The following LUZP2 variants were observed in gnomAD, a reference collection of about 807,000 sequenced individuals.
LUZP2 encodes the protein leucine zipper protein 2.
A neutral mutation model predicts 51.6 loss-of-function variants in LUZP2; 52 were observed. That is an observed-to-expected ratio of 1.01 (90% CI 0.81 to 1.27). The LOEUF is 1.27. Ranked by LOEUF, LUZP2 falls within the 50% of genes most tolerant of loss-of-function variation. LUZP2 has a pLI of 0.00. For synonymous variants in LUZP2, 154 were observed against 137.3 expected, an observed-to-expected ratio of 1.12 and a Z score of -0.85; for missense variants, 436 against 395.4, an observed-to-expected ratio of 1.10 and a Z score of -0.87.
intron 1 of LUZP2, among the ~76,000 whole-genome samples, chr11:24,728,108 C>A (rs1426710247): frequency 6.6e-6 from 1 of 152,078 alleles, no homozygotes; most frequent in African/African-American, 2.4e-5. Context: ...AGATTCTCAA[C>A]TAAAGCTGAG....
chr11:25,015,521 T>C (rs1010633804), intron 9 of LUZP2, among the ~76,000 whole-genome samples: 2 of 152,272 alleles, frequency 1.3e-5, no homozygotes, highest in East Asian at 1.9e-4. Context: ...AGTTTTTCAG[T>C]TTTTCCTTGT....
intron 9 of LUZP2, among the ~76,000 whole-genome samples, chr11:24,990,522 A>C (rs1185703622): frequency 1.3e-5 from 2 of 152,064 alleles, no homozygotes; most frequent in Non-Finnish European, 2.9e-5. Context: ...ATATACTGCA[A>C]AATGATGAAT....
chr11:24,656,558 A>C (rs1855811036), intron 1 of LUZP2, among the ~76,000 whole-genome samples: 1 of 152,210 alleles, frequency 6.6e-6, no homozygotes, highest in African/African-American at 2.4e-5. Flanking sequence ...AGGTGTCTGC[A>C]GGGCCTCATT....
At chr11:24,728,708 T>G (rs984879552) in intron 1 of LUZP2, among the ~76,000 whole-genome samples, 1 of 152,028 alleles carries the variant, frequency 6.6e-6, no homozygotes. Context: ...CAGTTAGAAC[T>G]CCAAACCTTC....
chr11:24,509,363 C>T (rs1590116950), intron 1 of LUZP2, among the ~76,000 whole-genome samples: 1 of 151,606 alleles, frequency 6.6e-6, no homozygotes, highest in East Asian at 1.9e-4. Context: ...AGAATTAACT[C>T]ATTCATAGAC....
At chr11:25,030,296 C>G (rs1384643470) in intron 9 of LUZP2, among the ~76,000 whole-genome samples, 1 of 152,048 alleles carries the variant, frequency 6.6e-6, no homozygotes, top group Non-Finnish European at 1.5e-5. Context: ...TTCTCATTAA[C>G]AAATTAAAGT....
chr11:24,915,159 A>G (rs1043378418), intron 7 of LUZP2, among the ~76,000 whole-genome samples: 2 of 152,132 alleles, frequency 1.3e-5, no homozygotes, highest in African/African-American at 4.8e-5. Flanking sequence ...AATTCCTTTA[A>G]TGTATACAAT....
At chr11:24,633,467 A>G (rs977939854) in intron 1 of LUZP2, among the ~76,000 whole-genome samples, 1 of 152,034 alleles carries the variant, frequency 6.6e-6, no homozygotes, top group Non-Finnish European at 1.5e-5. Context: ...AAAATCAATC[A>G]GAATCTTTAA....
At chr11:24,811,345 C>T (rs927804845) in intron 5 of LUZP2, among the ~76,000 whole-genome samples, 4 of 152,056 alleles carry the variant, frequency 2.6e-5, no homozygotes, top group Non-Finnish European at 4.4e-5. Flanking sequence ...ATACACTAAT[C>T]CCCCCCTTAA....
At chr11:24,708,152 G>A (rs1442061243) in intron 1 of LUZP2, among the ~76,000 whole-genome samples, 2 of 152,158 alleles carry the variant, frequency 1.3e-5, no homozygotes, top group South Asian at 4.1e-4. Flanking sequence ...AAGTTTAAAA[G>A]TAGAAGGCAA....
intron 9 of LUZP2, among the ~76,000 whole-genome samples, chr11:25,017,140 T>C (rs189018109): frequency 2.0e-5 from 3 of 152,258 alleles, no homozygotes; most frequent in African/African-American, 7.2e-5. Context: ...TTCTTGCTGA[T>C]TTGTTTAAGT....
At chr11:24,838,821 A>G (rs929692580) in intron 5 of LUZP2, among the ~76,000 whole-genome samples, 6 of 151,696 alleles carry the variant, frequency 4.0e-5, no homozygotes, top group Non-Finnish European at 8.9e-5. Flanking sequence ...TCTCTCCTTG[A>G]AAAAATATGT....
chr11:24,854,214 G>A (rs917005695), intron 5 of LUZP2, among the ~76,000 whole-genome samples: 9 of 152,144 alleles, frequency 5.9e-5, no homozygotes, highest in African/African-American at 1.9e-4. Context: ...TTGAAGCTGC[G>A]CCCACAGCTG....
intron 10 of LUZP2, among the ~76,000 whole-genome samples, chr11:25,072,593 A>G (rs1328991676): frequency 6.6e-6 from 1 of 152,150 alleles, no homozygotes; most frequent in Non-Finnish European, 1.5e-5. Context: ...TCTTTAGATA[A>G]CATTGGTTAC....
At chr11:25,033,366 T>G (rs2133994620) in intron 9 of LUZP2, among the ~76,000 whole-genome samples, 1 of 152,166 alleles carries the variant, frequency 6.6e-6, no homozygotes, top group South Asian at 2.1e-4. Flanking sequence ...ACCATTTAGG[T>G]TTTTTAAATA....
Position 24,959,271 on chromosome 11 carries a change from GT to G in LUZP2, c.523-17314del, listed in dbSNP as rs1231068100. On this transcript the variant is annotated intron_variant, in intron 7 of 11. Transcript: ENST00000336930. ...TTAGTTCCATATGAACTTTAAAGTA[GT>G]TTTTTCCAATTCTGTGAAGAAAGTC... Among the ~76,000 whole-genome samples, 24 of 152,174 alleles carry G rather than the reference GT, an allele frequency of 1.6e-4. No homozygotes were observed. In the East Asian group the frequency reaches 3.3e-3, roughly 21 times the overall value.
At chr11:25,034,189 A>AT (rs1344352781) in intron 9 of LUZP2, among the ~76,000 whole-genome samples, 3 of 151,886 alleles carry the variant, frequency 2.0e-5, no homozygotes, top group Admixed American at 6.6e-5. Context: ...GATGCTGAGC[A>AT]TTTTTTTCAT....
At chr11:24,826,029 T>C (rs1465242552) in intron 5 of LUZP2, among the ~76,000 whole-genome samples, 1 of 150,810 alleles carries the variant, frequency 6.6e-6, no homozygotes, top group African/African-American at 2.4e-5. Flanking sequence ...AAAAATTAGC[T>C]GGGCGCGGTG....
intron 5 of LUZP2, among the ~76,000 whole-genome samples, chr11:24,783,362 A>G (rs1849146825): frequency 6.6e-6 from 1 of 151,588 alleles, no homozygotes; most frequent in South Asian, 2.1e-4. Context: ...TTTTTTTCCT[A>G]ACCAAGACAA....
Sources: allele counts gnomAD v4.1 joint callset (sites outside exome capture counted in the v4.1 genomes callset), GRCh38; gene constraint gnomAD v4.1.1; transcripts MANE v1.5; gene names NCBI Gene and HGNC (gene_info 2026-07-23, HGNC 2026-07-21).